The following WSCD2 variants were observed in gnomAD, a reference collection of about 807,000 sequenced individuals.
WSCD2 encodes the protein WSC domain sialate O sulfotransferase 2.
WSCD2 carries 28 observed loss-of-function variants against 55.7 expected under a neutral mutation model. The observed-to-expected ratio is 0.50, with a 90% confidence interval of 0.37 to 0.69. The LOEUF is 0.69. Among genes scored for constraint, WSCD2 ranks in the 30% least tolerant of loss-of-function variants. WSCD2 has a pLI of 0.00. For missense variants in WSCD2, 616 were observed against 762.1 expected, an observed-to-expected ratio of 0.81 and a Z score of 2.26; for synonymous variants, 301 against 301.9, an observed-to-expected ratio of 1.00 and a Z score of 0.03.
At chr12:108,185,422 A>T (rs1180793271) in intron 1 of WSCD2, among the ~76,000 whole-genome samples, 1 of 152,068 alleles carries the variant, frequency 6.6e-6, no homozygotes, top group East Asian at 1.9e-4. Flanking sequence ...CTTGCCCCAG[A>T]TCCTCCCATG....
At chr12:108,203,197 G>C (rs1468575085) in intron 2 of WSCD2, among the ~76,000 whole-genome samples, 1 of 152,222 alleles carries the variant, frequency 6.6e-6, no homozygotes, top group African/African-American at 2.4e-5. Context: ...CCTTGAACTA[G>C]CTTAAGCTAA....
chr12:108,142,209 G>T (rs1438849957), intron 1 of WSCD2, among the ~76,000 whole-genome samples: 1 of 152,144 alleles, frequency 6.6e-6, no homozygotes, highest in Non-Finnish European at 1.5e-5. Flanking sequence ...TGATAAGGTA[G>T]AATTAAAAAT....
chr12:108,176,527 T>C (rs996484095), intron 1 of WSCD2, among the ~76,000 whole-genome samples: 1 of 152,218 alleles, frequency 6.6e-6, no homozygotes, highest in African/African-American at 2.4e-5. Flanking sequence ...TAGTACTCCG[T>C]TGTATGGAGG....
At chr12:108,175,597 C>T (rs1217530513) in intron 1 of WSCD2, among the ~76,000 whole-genome samples, 1 of 152,170 alleles carries the variant, frequency 6.6e-6, no homozygotes, top group African/African-American at 2.4e-5. Context: ...CAAAAATAAC[C>T]CCAGTGTTAC....
chr12:108,245,036 C>T (rs924792872), intron 8 of WSCD2, among the ~76,000 whole-genome samples: 2 of 152,170 alleles, frequency 1.3e-5, no homozygotes, highest in Non-Finnish European at 2.9e-5. Context: ...TAGTGCTGCA[C>T]TAAACATGTG....
chr12:108,156,710 A>G (rs975440236), intron 1 of WSCD2, among the ~76,000 whole-genome samples: 3 of 152,218 alleles, frequency 2.0e-5, no homozygotes, highest in Non-Finnish European at 4.4e-5. Flanking sequence ...ATGAAGTCAA[A>G]TTCGACTTGG....
intron 4 of WSCD2, among the ~76,000 whole-genome samples, chr12:108,213,896 T>C (rs1593046973): frequency 1.3e-5 from 2 of 152,176 alleles, no homozygotes; most frequent in Non-Finnish European, 2.9e-5. Flanking sequence ...TGGCTCCAGC[T>C]CATCTCCTTC....
chr12:108,156,598 T>A lies in WSCD2; in HGVS notation c.-552+26672T>A, dbSNP rs139203725. On this transcript the variant is annotated intron_variant, in intron 1 of 8. Transcript: ENST00000547525. ...AAATCTGATCTGGCAGATTGCTGATTTCTGCTAAGGTGGACAGGTGTGGGT... is the reference window on the plus strand; with the variant it reads ...AAATCTGATCTGGCAGATTGCTGATATCTGCTAAGGTGGACAGGTGTGGGT... Among the ~76,000 whole-genome samples, 7 of 152,330 alleles carry A rather than the reference T, an allele frequency of 4.6e-5. No homozygotes were observed. The East Asian group carries it at 1.3e-3, about 29-fold the overall frequency.
At chr12:108,190,183 G>A (rs563636529) in intron 1 of WSCD2, among the ~76,000 whole-genome samples, 2 of 152,276 alleles carry the variant, frequency 1.3e-5, no homozygotes, top group African/African-American at 4.8e-5. Context: ...AAGATGACTG[G>A]CATATAGTAT....
At chr12:108,207,477 C>T (rs1885545300) in intron 3 of WSCD2, among the ~76,000 whole-genome samples, 2 of 150,038 alleles carry the variant, frequency 1.3e-5, no homozygotes, top group African/African-American at 4.9e-5. Context: ...TCAAGCAATT[C>T]TCCTGCCTCA....
chr12:108,173,391 A>AG (rs1391724389), intron 1 of WSCD2, among the ~76,000 whole-genome samples: 1 of 152,212 alleles, frequency 6.6e-6, no homozygotes, highest in East Asian at 1.9e-4. Context: ...GAGGCTCCAG[A>AG]GGGCTCTTCA....
intron 1 of WSCD2, among the ~76,000 whole-genome samples, chr12:108,147,183 C>T (rs543060662): frequency 9.9e-5 from 15 of 152,272 alleles, no homozygotes; most frequent in African/African-American, 2.9e-4. Context: ...CTGCACAGAG[C>T]TCAGGTGGAG....
At chr12:108,189,940 A>G (rs1220981011) in intron 1 of WSCD2, among the ~76,000 whole-genome samples, 2 of 152,214 alleles carry the variant, frequency 1.3e-5, no homozygotes, top group Non-Finnish European at 2.9e-5. Flanking sequence ...ATGAAGGGGC[A>G]CTGAACAGGC....
chr12:108,136,761 T>C (rs1876271196), intron 1 of WSCD2, among the ~76,000 whole-genome samples: 2 of 150,556 alleles, frequency 1.3e-5, no homozygotes, highest in Non-Finnish European at 2.9e-5. Context: ...CTCCCCGCTC[T>C]GTCTTTCCCA....
At chr12:108,191,058 T>C (rs546144511) in intron 1 of WSCD2, among the ~76,000 whole-genome samples, 2 of 152,290 alleles carry the variant, frequency 1.3e-5, no homozygotes, top group Non-Finnish European at 2.9e-5. Context: ...AATACAATTA[T>C]AATCCTCAAC....
In WSCD2 at chr12:108,247,973, T is replaced by C; in HGVS notation, c.1346-18T>C. 6.2e-7 allele frequency: 1 copy of C among 1,603,702 alleles called. No individual in the cohort carries two copies. The highest frequency in any genetic ancestry group is 1.7e-4 in the Middle Eastern group (1 of 6,012). On this transcript the variant is annotated intron_variant, in intron 8 of 8. Transcript: ENST00000547525. ...ACTCCTCCTCCCTCTGACTGTGTCC[T>C]TTCTCCTCTCTCTGCAGAGTGGCCA...
intron 7 of WSCD2, chr12:108,233,102 C>A: frequency 1.7e-6 from 1 of 574,468 alleles, no homozygotes; most frequent in Non-Finnish European, 3.0e-6. Context: ...GTCCTGGATA[C>A]TCCACTAGCA....
intron 1 of WSCD2, among the ~76,000 whole-genome samples, chr12:108,171,424 T>C (rs957642735): frequency 3.3e-5 from 5 of 152,196 alleles, no homozygotes; most frequent in African/African-American, 1.2e-4. Context: ...ACATTTGAAA[T>C]ATGGCGAGAC....
intron 1 of WSCD2, among the ~76,000 whole-genome samples, chr12:108,165,424 G>T (rs560814679): frequency 6.6e-6 from 1 of 152,312 alleles, no homozygotes; most frequent in South Asian, 2.1e-4. Flanking sequence ...TACAGACAGG[G>T]TCTTGCTATG....
Sources: allele counts gnomAD v4.1 joint callset (sites outside exome capture counted in the v4.1 genomes callset), GRCh38; gene constraint gnomAD v4.1.1; transcripts MANE v1.5; gene names NCBI Gene and HGNC (gene_info 2026-07-23, HGNC 2026-07-21).